Variants in SYT13 observed in about 807,000 individuals in gnomAD.
The protein encoded by SYT13 is synaptotagmin-13.
In SYT13, 21 loss-of-function variants were observed where a neutral mutation model predicts 38.6. The observed-to-expected ratio is 0.54, with a 90% CI of 0.39 to 0.78. The LOEUF (loss-of-function observed/expected upper bound fraction) is 0.78. Ranked by LOEUF, SYT13 falls within the 30% of genes least tolerant of loss-of-function variation. The probability of loss-of-function intolerance (pLI) is 0.00; values close to 1 mark genes in which losing one functional copy is unlikely to be tolerated. For synonymous variants in SYT13, 241 were observed against 237.6 expected, an observed-to-expected ratio of 1.01 and a Z score of -0.13; for missense variants, 495 against 548.7, an observed-to-expected ratio of 0.90 and a Z score of 0.98.
At chr11:45,253,556 C>T (rs1250964466) in intron 3 of SYT13, among the ~76,000 whole-genome samples, 1 of 152,106 alleles carries the variant, frequency 6.6e-6, no homozygotes, top group East Asian at 1.9e-4. Context: ...TTTATCTGAC[C>T]CCATTGCTAG....
At chr11:45,273,838 C>CTAT in intron 1 of SYT13, among the ~76,000 whole-genome samples, 1 of 152,266 alleles carries the variant, frequency 6.6e-6, no homozygotes, top group Admixed American at 6.5e-5. Context: ...TTTTCTTTCC[C>CTAT]GCATGGTGAA....
In SYT13 at chr11:45,286,220, C is replaced by G; in HGVS notation, c.-13G>C. On this transcript the variant is annotated 5_prime_UTR_variant, in exon 1 of 6. Transcript: ENST00000020926. ...CCGACAGCACCATGGTGCCCGCTCCCGGCGAGGGGCTGGGTCCCGCAGCCG... is the reference window on the plus strand; with the variant it reads ...CCGACAGCACCATGGTGCCCGCTCCGGGCGAGGGGCTGGGTCCCGCAGCCG... 2 of 1,532,992 alleles carry G rather than the reference C, an allele frequency of 1.3e-6. No individual in the cohort carries two copies. The highest frequency in any genetic ancestry group is 1.8e-6 in the Non-Finnish European group (2 of 1,141,934). 95.0% of individuals were successfully genotyped at this position (1,532,992 alleles called of 1,614,324 possible). A position where few individuals can be genotyped will look rare whatever the true frequency, so the allele number is the denominator to read the frequency against.
intron 5 of SYT13, among the ~76,000 whole-genome samples, chr11:45,245,222 C>T (rs1337160794): frequency 1.3e-5 from 2 of 152,166 alleles, no homozygotes; most frequent in Non-Finnish European, 2.9e-5. Context: ...GGTCACCAGG[C>T]GAGCTTTCAT....
At chr11:45,283,559 G>A (rs1855098768) in intron 1 of SYT13, among the ~76,000 whole-genome samples, 1 of 152,198 alleles carries the variant, frequency 6.6e-6, no homozygotes, top group Admixed American at 6.5e-5. Flanking sequence ...GCCAGTGGCT[G>A]AATGAATCTG....
intron 1 of SYT13, among the ~76,000 whole-genome samples, chr11:45,268,335 C>G (rs1590524440): frequency 7.6e-6 from 1 of 132,228 alleles, no homozygotes; most frequent in Admixed American, 9.0e-5. Flanking sequence ...AGCTATTTCC[C>G]TTAGGAATAA....
chr11:45,285,460 A>G (rs1440836658), intron 1 of SYT13, among the ~76,000 whole-genome samples: 3 of 152,226 alleles, frequency 2.0e-5, no homozygotes, highest in Admixed American at 6.5e-5. Context: ...TCAGCTCTCT[A>G]GACCCCGCTA....
chr11:45,248,131 T>C (rs1363900701), intron 4 of SYT13, among the ~76,000 whole-genome samples: 2 of 152,228 alleles, frequency 1.3e-5, no homozygotes, highest in African/African-American at 4.8e-5. Flanking sequence ...ATGACCCCAA[T>C]GATTCCACAA....
intron 5 of SYT13, among the ~76,000 whole-genome samples, chr11:45,246,094 G>T (rs1181153610): frequency 6.6e-6 from 1 of 152,188 alleles, no homozygotes; most frequent in Non-Finnish European, 1.5e-5. Context: ...AGGGCTGATG[G>T]TTCTCATAGT....
At chr11:45,273,586 A>G (rs1265441023) in intron 1 of SYT13, among the ~76,000 whole-genome samples, 1 of 152,220 alleles carries the variant, frequency 6.6e-6, no homozygotes, top group African/African-American at 2.4e-5. Context: ...CACTTACTAC[A>G]TTCTGTGTAT....
intron 1 of SYT13, among the ~76,000 whole-genome samples, chr11:45,276,075 GT>G (rs1270642667): frequency 6.6e-6 from 1 of 152,124 alleles, no homozygotes; most frequent in African/African-American, 2.4e-5. Context: ...AGCTACTGTG[GT>G]TTTTGGATAT....
intron 1 of SYT13, chr11:45,269,572 T>C: frequency 1.2e-6 from 1 of 820,070 alleles, no homozygotes; most frequent in Non-Finnish European, 1.7e-6. Flanking sequence ...AAGTGCCTAA[T>C]ATTTTCTCTA....
chr11:45,282,582 C>T (rs1373169556), intron 1 of SYT13, among the ~76,000 whole-genome samples: 2 of 152,130 alleles, frequency 1.3e-5, no homozygotes, highest in Admixed American at 1.3e-4. Flanking sequence ...TTAATAAGTA[C>T]CATAATTTAG....
At chr11:45,279,940 T>C (rs1375442832) in intron 1 of SYT13, among the ~76,000 whole-genome samples, 1 of 152,192 alleles carries the variant, frequency 6.6e-6, no homozygotes, top group Non-Finnish European at 1.5e-5. Flanking sequence ...AATTCTACTT[T>C]AGGCTGAAGA....
At chr11:45,274,247 A>G (rs570765201) in intron 1 of SYT13, among the ~76,000 whole-genome samples, 90 of 152,230 alleles carry the variant, frequency 5.9e-4, no homozygotes, top group African/African-American at 2.1e-3. Context: ...CAAGGCTACA[A>G]TGTGGTGGGA....
intron 1 of SYT13, among the ~76,000 whole-genome samples, chr11:45,285,466 C>G (rs1167427740): frequency 6.6e-6 from 1 of 152,108 alleles, no homozygotes; most frequent in Non-Finnish European, 1.5e-5. Flanking sequence ...CTCTAGACCC[C>G]GCTAGCTAGC....
intron 1 of SYT13, among the ~76,000 whole-genome samples, chr11:45,275,811 G>GA (rs1855003731): frequency 6.6e-6 from 1 of 151,866 alleles, no homozygotes; most frequent in Non-Finnish European, 1.5e-5. Flanking sequence ...GGGTATTGGG[G>GA]GGAATTTTAG....
rs1854688055 is a variant in SYT13, at chr11:45,252,462, G to A, written c.805C>T (p.Leu269=). 6.2e-7 allele frequency: 1 copy of A among 1,609,818 alleles called. No homozygotes were observed. Among genetic ancestry groups the A allele is most frequent in the African/African-American group, 1.3e-5 (1 of 74,888 alleles). Reference sequence around the variant, plus strand: ...AGCTCGCCCCACTGGGCAGCCCCTAGAGGCACAGATGTCCCGTCCAGGCCC... The same window carrying A: ...AGCTCGCCCCACTGGGCAGCCCCTAAAGGCACAGATGTCCCGTCCAGGCCC... ...RLGLDGTSVP[L]GAAQWGELKT... The change falls in exon 4 of 6, where the codon CTA becomes TTA. Residue 269 remains leucine, a synonymous_variant. Transcript: ENST00000020926. This position sits in a 1 kb window ranked among gnomAD's most constrained non-coding sequence, Gnocchi z 4.3.
intron 1 of SYT13, among the ~76,000 whole-genome samples, chr11:45,279,410 T>C (rs764309555): frequency 6.6e-6 from 1 of 152,046 alleles, no homozygotes; most frequent in Non-Finnish European, 1.5e-5. Context: ...AGTGAGACCC[T>C]CTCTACAAAA....
In SYT13 at chr11:45,244,189, C is replaced by T; in HGVS notation, c.1144G>A (p.Asp382Asn). 6.2e-7 allele frequency: 1 copy of T among 1,614,036 alleles called. No individual in the cohort carries two copies. Among genetic ancestry groups the T allele is most frequent in the Middle Eastern group, 1.7e-4 (1 of 5,954 alleles). Residue 382 changes from aspartate to asparagine, a missense_variant, in exon 6 of 6, where the codon GAC (aspartate) becomes AAC (asparagine). Transcript: ENST00000020926. Reference protein sequence around the residue: ...SSVELEVLGQDDSGQSCALGH... With the variant: ...SSVELEVLGQNDSGQSCALGH... ...AGCGCACAGCTCTGCCCTGAATCGT[C>T]CTGGCCCAGCACTTCCAGCTCCACA...
Sources: allele counts gnomAD v4.1 joint callset (sites outside exome capture counted in the v4.1 genomes callset), GRCh38; gene constraint gnomAD v4.1.1; non-coding constraint Gnocchi (gnomAD v3.1); transcripts MANE v1.5; gene names NCBI Gene and HGNC (gene_info 2026-07-23, HGNC 2026-07-21).